Variants in CADM1 observed in about 807,000 individuals in gnomAD.
The protein encoded by CADM1 is cell adhesion molecule 1, also known as TSLC-1.
CADM1 carries 15 observed loss-of-function variants against 53.1 expected under a neutral mutation model. The ratio of observed to expected loss-of-function variants is 0.28; its 90% CI spans 0.19 to 0.44. CADM1 has a LOEUF of 0.44. Ranked by LOEUF, CADM1 falls within the 20% of genes least tolerant of loss-of-function variation. The pLI, the probability that CADM1 is intolerant of heterozygous loss-of-function variation, is 1.00. For synonymous variants in CADM1, 281 were observed against 243.0 expected, an observed-to-expected ratio of 1.16 and a Z score of -1.45; for missense variants, 434 against 611.3, an observed-to-expected ratio of 0.71 and a Z score of 3.06.
intron 1 of CADM1, among the ~76,000 whole-genome samples, chr11:115,380,534 C>T (rs1458716712): frequency 6.6e-6 from 1 of 152,120 alleles, no homozygotes; most frequent in Non-Finnish European, 1.5e-5. Flanking sequence ...TATCAAAAGG[C>T]AAACAATATT....
chr11:115,409,814 G>C (rs1947414644), intron 1 of CADM1, among the ~76,000 whole-genome samples: 1 of 152,008 alleles, frequency 6.6e-6, no homozygotes, highest in Admixed American at 6.6e-5. Context: ...GCTGGCAAAA[G>C]TCCAAACCCA....
chr11:115,292,469 G>C (rs1004829664), intron 1 of CADM1, among the ~76,000 whole-genome samples: 7 of 152,334 alleles, frequency 4.6e-5, no homozygotes, highest in African/African-American at 1.2e-4. Flanking sequence ...AAGAGGGGAA[G>C]CACGGCACAT....
chr11:115,492,757 G>C (rs1446349394), intron 1 of CADM1, among the ~76,000 whole-genome samples: 3 of 152,138 alleles, frequency 2.0e-5, no homozygotes, highest in Non-Finnish European at 4.4e-5. Flanking sequence ...GGGAGATGGA[G>C]AGAAAGTACC....
intron 8 of CADM1, among the ~76,000 whole-genome samples, chr11:115,202,473 C>T (rs1940479496): frequency 6.6e-6 from 1 of 152,126 alleles, no homozygotes; most frequent in Admixed American, 6.5e-5. Context: ...TCCTGCTTTA[C>T]AATGCGCAGA....
At chr11:115,336,068 C>T (rs897779929) in intron 1 of CADM1, among the ~76,000 whole-genome samples, 1 of 152,144 alleles carries the variant, frequency 6.6e-6, no homozygotes, top group Non-Finnish European at 1.5e-5. Context: ...TTGTAATTCT[C>T]CTTCACACAA....
At chr11:115,426,427 T>C (rs1029120075) in intron 1 of CADM1, among the ~76,000 whole-genome samples, 3 of 152,080 alleles carry the variant, frequency 2.0e-5, no homozygotes, top group African/African-American at 7.2e-5. Flanking sequence ...GTAGGGGAAG[T>C]GGGGTGCACA....
At position 115,249,826 on chromosome 11, in the gene CADM1, C is replaced by T. The variant is rs79558836; in HGVS notation, c.125-9406G>A. On this transcript the variant is annotated intron_variant, in intron 1 of 11. Coordinates refer to ENST00000331581, the MANE Select transcript of CADM1 (RefSeq NM_001301043.2). ...TGGGGATGGGTGACCCTACTGTGGT[C>T]TCTTCTACTTTAATGGATACTTCTC... Among the ~76,000 whole-genome samples the T allele has an allele frequency of 3.8e-3, 576 of 152,250 alleles. 4 individuals are homozygous for T. The highest frequency in any genetic ancestry group is 0.013 in the African/African-American group (525 of 41,558).
chr11:115,305,385 T>C (rs771097228), intron 1 of CADM1, among the ~76,000 whole-genome samples: 1 of 152,002 alleles, frequency 6.6e-6, no homozygotes, highest in Non-Finnish European at 1.5e-5. Context: ...TTAATATGTA[T>C]CTATCCAATT....
intron 1 of CADM1, among the ~76,000 whole-genome samples, chr11:115,385,580 A>G (rs1946680317): frequency 6.6e-6 from 1 of 151,976 alleles, no homozygotes; most frequent in Non-Finnish European, 1.5e-5. Flanking sequence ...AAGTCTGTCT[A>G]ATAAGAAGTG....
In CADM1 at chr11:115,173,443, G is replaced by A. The variant is rs1008886850; in HGVS notation, c.*3031C>T. The A allele has an allele frequency of 6.6e-6, 1 of 152,414 alleles. No homozygotes were observed. The highest frequency in any genetic ancestry group is 1.5e-5 in the Non-Finnish European group (1 of 68,194). 9.4% of individuals were successfully genotyped at this position (152,414 alleles called of 1,614,324 possible). Reference sequence around the variant, plus strand: ...AGAGTGGGGAAGAGAACAAGGACAGGAAGGATGAGCGGAGAAGGAGAGAGA... The same window carrying A: ...AGAGTGGGGAAGAGAACAAGGACAGAAAGGATGAGCGGAGAAGGAGAGAGA... On this transcript the variant is annotated 3_prime_UTR_variant, in exon 12 of 12. Coordinates refer to ENST00000331581, the MANE Select transcript of CADM1 (RefSeq NM_001301043.2).
At chr11:115,213,191 G>C (rs762038464) in intron 7 of CADM1, among the ~76,000 whole-genome samples, 1 of 152,194 alleles carries the variant, frequency 6.6e-6, no homozygotes, top group Non-Finnish European at 1.5e-5. Context: ...TGTGTGAAGA[G>C]AGCACATGCA....
At chr11:115,390,745 T>C (rs1029573086) in intron 1 of CADM1, among the ~76,000 whole-genome samples, 2 of 151,658 alleles carry the variant, frequency 1.3e-5, no homozygotes, top group African/African-American at 4.8e-5. Flanking sequence ...AAAGAGGAAG[T>C]TTCTAGATTA....
At position 115,175,293 on chromosome 11, in the gene CADM1, T is replaced by G; in HGVS notation, c.*1181A>C. On this transcript the variant is annotated 3_prime_UTR_variant, in exon 12 of 12. Transcript: ENST00000331581. ...AATGAAAGTTTCACACAGATTCGAG[T>G]TGGAAATCCCAGCATGACAAATATC... is the stretch of plus-strand genomic sequence containing the variant. 1.0e-6 allele frequency: 1 copy of G among 985,456 alleles called. No homozygotes were observed. The highest frequency in any genetic ancestry group is 1.2e-6 in the Non-Finnish European group (1 of 829,894). 61.0% of individuals were successfully genotyped at this position (985,456 alleles called of 1,614,324 possible).
intron 7 of CADM1, among the ~76,000 whole-genome samples, chr11:115,212,097 A>G (rs963103816): frequency 1.3e-5 from 2 of 152,100 alleles, no homozygotes; most frequent in African/African-American, 4.8e-5. Flanking sequence ...ATTTCTAGCA[A>G]TAAGAGCAAT....
intron 1 of CADM1, among the ~76,000 whole-genome samples, chr11:115,497,120 G>A (rs1949635935): frequency 6.6e-6 from 1 of 152,114 alleles, no homozygotes; most frequent in Non-Finnish European, 1.5e-5. Flanking sequence ...ACCTTCCCAA[G>A]GAAGTCTGCC....
intron 1 of CADM1, among the ~76,000 whole-genome samples, chr11:115,471,618 A>G (rs1949012273): frequency 6.6e-6 from 1 of 152,052 alleles, no homozygotes; most frequent in Non-Finnish European, 1.5e-5. Context: ...TCTAGGCTCC[A>G]CCCCCAGAGT....
At chr11:115,375,255 TAAG>T (rs1946409941) in intron 1 of CADM1, among the ~76,000 whole-genome samples, 1 of 152,136 alleles carries the variant, frequency 6.6e-6, no homozygotes, top group Admixed American at 6.6e-5. Flanking sequence ...TTTTCAACAA[TAAG>T]AAGTTTTTAA....
intron 1 of CADM1, among the ~76,000 whole-genome samples, chr11:115,408,462 A>G (rs1004746074): frequency 3.3e-5 from 5 of 152,230 alleles, no homozygotes; most frequent in African/African-American, 1.2e-4. Flanking sequence ...CCCACTATGC[A>G]GGCCAGCACT....
chr11:115,174,480 G>A lies in CADM1; in HGVS notation c.*1994C>T, dbSNP rs34970067. On this transcript the variant is annotated 3_prime_UTR_variant, in exon 12 of 12. Transcript: ENST00000331581. ...GCTTTTTGTCTTGGTTAAGTGCCTA[G>A]GGATAGGGGAGGGGTAAATAAAATG... 9 of 985,676 alleles carry A rather than the reference G, an allele frequency of 9.1e-6. No individual in the cohort carries two copies. The highest frequency in any genetic ancestry group is 1.1e-5 in the Non-Finnish European group (9 of 829,870). 61.1% of individuals were successfully genotyped at this position (985,676 alleles called of 1,614,324 possible).
Sources: allele counts gnomAD v4.1 joint callset (sites outside exome capture counted in the v4.1 genomes callset), GRCh38; gene constraint gnomAD v4.1.1; transcripts MANE v1.5; gene names NCBI Gene and HGNC (gene_info 2026-07-23, HGNC 2026-07-21).